TMEM117: variants seen among roughly 807,000 people sequenced by gnomAD.
TMEM117 encodes the protein transmembrane protein 117.
In TMEM117, 27 loss-of-function variants were observed where a neutral mutation model predicts 52.4. The ratio of observed to expected loss-of-function variants is 0.51; its 90% CI spans 0.38 to 0.71. TMEM117 has a LOEUF of 0.71. TMEM117 is among the 30% of genes least tolerant of loss of function. TMEM117 has a pLI of 0.00. For missense variants in TMEM117, 556 were observed against 630.5 expected, an observed-to-expected ratio of 0.88 and a Z score of 1.26; for synonymous variants, 215 against 206.3, an observed-to-expected ratio of 1.04 and a Z score of -0.36.
chr12:43,855,634 T>A (rs946604063), intron 2 of TMEM117, among the ~76,000 whole-genome samples: 1 of 152,204 alleles, frequency 6.6e-6, no homozygotes, highest in Non-Finnish European at 1.5e-5. Context: ...GACAAAAGCA[T>A]CCTCAATATA....
intron 5 of TMEM117, among the ~76,000 whole-genome samples, chr12:44,246,293 A>T (rs77565356): frequency 6.6e-6 from 1 of 152,104 alleles, no homozygotes; most frequent in Non-Finnish European, 1.5e-5. Context: ...TTTTATTTTT[A>T]TGTAATAGAA....
intron 2 of TMEM117, among the ~76,000 whole-genome samples, chr12:43,926,248 G>T (rs1944777065): frequency 6.6e-6 from 1 of 152,122 alleles, no homozygotes; most frequent in South Asian, 2.1e-4. Context: ...TAAAACATTG[G>T]CTGGCATATC....
At chr12:44,234,716 T>C (rs947405004) in intron 5 of TMEM117, among the ~76,000 whole-genome samples, 3 of 151,536 alleles carry the variant, frequency 2.0e-5, no homozygotes, top group African/African-American at 7.2e-5. Context: ...CATATATGCA[T>C]TTCAGTATCT....
chr12:44,165,942 G>A (rs917591802), intron 4 of TMEM117, among the ~76,000 whole-genome samples: 2 of 152,146 alleles, frequency 1.3e-5, no homozygotes, highest in African/African-American at 4.8e-5. Flanking sequence ...ATCAGCACAT[G>A]AAACATTCTC....
At chr12:43,913,010 G>GT (rs1294685495) in intron 2 of TMEM117, among the ~76,000 whole-genome samples, 1 of 152,168 alleles carries the variant, frequency 6.6e-6, no homozygotes, top group African/African-American at 2.4e-5. Flanking sequence ...ATCTGGAACT[G>GT]TTTTGAGAAG....
intron 5 of TMEM117, among the ~76,000 whole-genome samples, chr12:44,255,650 T>C (rs180982274): frequency 6.6e-6 from 1 of 152,222 alleles, no homozygotes; most frequent in Admixed American, 6.5e-5. Context: ...AACTTGGACA[T>C]GGTAGGATCA....
intron 3 of TMEM117, among the ~76,000 whole-genome samples, chr12:44,043,241 T>C (rs73089736): frequency 0.058 from 8,872 of 152,230 alleles, 392 homozygotes; most frequent in African/African-American, 0.12. Context: ...CTGCTAAGAT[T>C]GCCCCCAGTG....
chr12:44,310,661 C>A (rs1382620876), intron 6 of TMEM117, among the ~76,000 whole-genome samples: 1 of 152,212 alleles, frequency 6.6e-6, no homozygotes, highest in Admixed American at 6.5e-5. Flanking sequence ...AAAATAATCA[C>A]CGGAACCTTT....
intron 5 of TMEM117, among the ~76,000 whole-genome samples, chr12:44,253,307 T>G (rs1043207100): frequency 3.3e-5 from 5 of 152,212 alleles, no homozygotes; most frequent in African/African-American, 1.2e-4. Context: ...GGATAAATAC[T>G]GCTAAAATTT....
chr12:44,353,005 G>A (rs1951587488), intron 6 of TMEM117, among the ~76,000 whole-genome samples: 1 of 152,054 alleles, frequency 6.6e-6, no homozygotes, highest in African/African-American at 2.4e-5. Flanking sequence ...GTGTGAGATG[G>A]TATCTCATTG....
chr12:44,289,239 G>A (rs1950673013), intron 5 of TMEM117, among the ~76,000 whole-genome samples: 1 of 138,078 alleles, frequency 7.2e-6, no homozygotes, highest in South Asian at 2.2e-4. Flanking sequence ...GTGTGTGTGT[G>A]TGTGTGTGTG....
chr12:44,252,363 G>A (rs564166430), intron 5 of TMEM117, among the ~76,000 whole-genome samples: 26 of 152,228 alleles, frequency 1.7e-4, no homozygotes, highest in African/African-American at 5.3e-4. Flanking sequence ...AATTAGCCAG[G>A]TGTGGCAGCA....
At chr12:43,961,255 TA>T (rs1283766486) in intron 3 of TMEM117, among the ~76,000 whole-genome samples, 3 of 135,780 alleles carry the variant, frequency 2.2e-5, no homozygotes, top group Non-Finnish European at 4.9e-5. Flanking sequence ...TAGCTCTCAA[TA>T]AATATTAATT....
chr12:44,392,827 G>A (rs929501097), downstream of TMEM117, among the ~76,000 whole-genome samples: 1 of 152,006 alleles, frequency 6.6e-6, no homozygotes, highest in African/African-American at 2.4e-5. Context: ...GGAGCATGAT[G>A]AGACCTGGGA....
chr12:43,911,896 G>T (rs1255542723), intron 2 of TMEM117, among the ~76,000 whole-genome samples: 1 of 148,402 alleles, frequency 6.7e-6, no homozygotes, highest in Admixed American at 6.8e-5. Context: ...TACACTGTTG[G>T]TGGGACTGTA....
chr12:44,060,084 G>C (rs1447835402), intron 3 of TMEM117, among the ~76,000 whole-genome samples: 1 of 152,168 alleles, frequency 6.6e-6, no homozygotes, highest in East Asian at 1.9e-4. Flanking sequence ...CTCTATCCCT[G>C]GAAGAATTTA....
At chr12:43,885,237 G>A (rs1392147008) in intron 2 of TMEM117, among the ~76,000 whole-genome samples, 2 of 152,114 alleles carry the variant, frequency 1.3e-5, no homozygotes, top group Non-Finnish European at 2.9e-5. Context: ...GTGTGTATTG[G>A]TCCTAGTCAG....
At chr12:44,030,539 A>C (rs9783422) in intron 3 of TMEM117, among the ~76,000 whole-genome samples, 10,961 of 152,340 alleles carry the variant, frequency 0.072, 515 homozygotes, top group African/African-American at 0.12. Context: ...ACAGTTTTAC[A>C]TGCAAAGTGT....
At chr12:43,805,951 C>T in the TMEM117 span, 3 of 1,539,678 alleles carry the variant, frequency 1.9e-6, no homozygotes, top group Non-Finnish European at 2.6e-6. Context: ...CCCCCTTCAA[C>T]CAGGCCGCCT....
Sources: gnomAD v4.1 joint callset for allele counts (sites outside exome capture counted in the v4.1 genomes callset) on GRCh38, gnomAD v4.1.1 for gene constraint, MANE v1.5 for transcripts, NCBI Gene and HGNC (gene_info 2026-07-23, HGNC 2026-07-21) for gene names.